Variants in DGKB observed in about 807,000 individuals in gnomAD.
DGKB encodes 90 kDa diacylglycerol kinase.
In DGKB, 67 loss-of-function variants were observed where a neutral mutation model predicts 114.3. That is an observed-to-expected ratio of 0.59 (90% CI 0.48 to 0.72). The LOEUF (loss-of-function observed/expected upper bound fraction) is 0.72, where lower values mean the gene tolerates loss of function less well. Among genes scored for constraint, DGKB ranks in the 30% least tolerant of loss-of-function variants. The pLI is 0.00. For missense variants in DGKB, 907 were observed against 975.2 expected (o/e 0.93, Z 0.93); for synonymous variants, 398 against 323.1 (o/e 1.23, Z -2.49).
At chr7:14,267,494 A>ATTTAT (rs1192717900) in intron 23 of DGKB, among the ~76,000 whole-genome samples, 4 of 137,876 alleles carry the variant, frequency 2.9e-5, no homozygotes, top group Non-Finnish European at 1.6e-5. Context: ...TTTTTTTATT[A>ATTTAT]TTTATTTTTT....
intron 20 of DGKB, among the ~76,000 whole-genome samples, chr7:14,479,394 T>G (rs1440680944): frequency 6.6e-6 from 1 of 152,148 alleles, no homozygotes; most frequent in Non-Finnish European, 1.5e-5. Flanking sequence ...AACTGTAATT[T>G]TTTTTCTGTA....
chr7:14,530,035 G>A (rs1045209113), intron 20 of DGKB, among the ~76,000 whole-genome samples: 3 of 151,702 alleles, frequency 2.0e-5, no homozygotes, highest in South Asian at 2.1e-4. Flanking sequence ...GATCAGGATC[G>A]ATTAATTCAT....
intron 2 of DGKB, among the ~76,000 whole-genome samples, chr7:14,832,664 T>C (rs1478204174): frequency 6.6e-6 from 1 of 152,088 alleles, no homozygotes; most frequent in Non-Finnish European, 1.5e-5. Context: ...AATCACTTAT[T>C]CTCTTCTTTC....
intron 2 of DGKB, among the ~76,000 whole-genome samples, chr7:14,818,992 C>CT (rs1844540812): frequency 6.6e-6 from 1 of 152,180 alleles, no homozygotes; most frequent in African/African-American, 2.4e-5. Flanking sequence ...GATTATGGAA[C>CT]TGAGCGTATC....
At chr7:14,233,213 G>A (rs1411772947) in intron 23 of DGKB, among the ~76,000 whole-genome samples, 2 of 151,966 alleles carry the variant, frequency 1.3e-5, no homozygotes, top group African/African-American at 4.8e-5. Flanking sequence ...AAAGAAAAAA[G>A]GGACATAGAA....
At chr7:14,204,851 G>A (rs73679679) in intron 23 of DGKB, among the ~76,000 whole-genome samples, 7,913 of 151,864 alleles carry the variant, frequency 0.052, 326 homozygotes, top group East Asian at 0.26. Context: ...ATAAATTGTT[G>A]GTAGTTATTT....
intron 14 of DGKB, among the ~76,000 whole-genome samples, chr7:14,626,788 GATAA>G (rs537448899): frequency 3.3e-5 from 5 of 152,070 alleles, no homozygotes; most frequent in Non-Finnish European, 7.4e-5. Flanking sequence ...AAGTTTTAAA[GATAA>G]ATATAATAAA....
intron 10 of DGKB, 124 bp from the exon 11 acceptor site, chr7:14,682,965 C>A: frequency 1.5e-6 from 1 of 678,868 alleles, no homozygotes; most frequent in Admixed American, 2.5e-5. Flanking sequence ...TCCAATCAGC[C>A]ACATCAAGGA....
At chr7:14,385,153 A>G in intron 21 of DGKB, among the ~76,000 whole-genome samples, 1 of 152,088 alleles carries the variant, frequency 6.6e-6, no homozygotes, top group Non-Finnish European at 1.5e-5. Flanking sequence ...AATCACCTCA[A>G]ACGGACTGAC....
chr7:14,717,939 A>C (rs920739749), intron 6 of DGKB, among the ~76,000 whole-genome samples: 1 of 152,176 alleles, frequency 6.6e-6, no homozygotes, highest in Non-Finnish European at 1.5e-5. Context: ...TTTATTAAAG[A>C]CAGTAATTAT....
intron 13 of DGKB, among the ~76,000 whole-genome samples, chr7:14,632,552 C>G (rs1381484639): frequency 1.3e-5 from 2 of 151,756 alleles, no homozygotes; most frequent in Non-Finnish European, 2.9e-5. Flanking sequence ...AAAGTTCTTT[C>G]TACCTCTTCA....
At chr7:14,405,893 T>C (rs1312226089) in intron 21 of DGKB, among the ~76,000 whole-genome samples, 1 of 151,982 alleles carries the variant, frequency 6.6e-6, no homozygotes, top group Non-Finnish European at 1.5e-5. Context: ...TGGTGTCTTT[T>C]AGGAATAGAT....
chr7:14,474,681 T>G (rs1044754307), intron 21 of DGKB, among the ~76,000 whole-genome samples: 16 of 152,068 alleles, frequency 1.1e-4, no homozygotes, highest in African/African-American at 3.6e-4. Context: ...TAAAGTCATC[T>G]CTCTAAATAG....
At chr7:14,632,516 T>C (rs541379786) in intron 13 of DGKB, among the ~76,000 whole-genome samples, 3 of 152,036 alleles carry the variant, frequency 2.0e-5, no homozygotes, top group East Asian at 3.9e-4. Context: ...TGTTAGTGAA[T>C]ATTTTCTAAT....
At chr7:14,893,598 T>C (rs1781643200) in intron 1 of DGKB, among the ~76,000 whole-genome samples, 1 of 151,454 alleles carries the variant, frequency 6.6e-6, no homozygotes. Flanking sequence ...CCTAGTTCGT[T>C]GCCGTTATCT....
In DGKB at chr7:14,747,683, A is replaced by G. The variant is rs1393356341; in HGVS notation, c.168+6245T>C. 3.9e-5 allele frequency among the ~76,000 whole-genome samples: 6 copies of G among 152,158 alleles called. No homozygotes were observed. The East Asian group carries it at 1.2e-3, about 30-fold the overall frequency. ...ATAGAATGAGATCATTTATATGCAT[A>G]TCAATGAAGCCATTAATGATACAAA... On this transcript the variant is annotated intron_variant, in intron 4 of 25. Transcript: ENST00000402815.
At chr7:14,567,675 C>T (rs923814253) in intron 20 of DGKB, among the ~76,000 whole-genome samples, 6 of 146,240 alleles carry the variant, frequency 4.1e-5, no homozygotes, top group Admixed American at 1.4e-4. Context: ...GGTGCGATCT[C>T]GGCTCACTGC....
At chr7:14,632,354 G>C (rs759364356) in intron 13 of DGKB, among the ~76,000 whole-genome samples, 28 of 151,494 alleles carry the variant, frequency 1.8e-4, no homozygotes, top group Admixed American at 1.2e-3. Context: ...TGTGGTGTTA[G>C]GCTATGTGCA....
chr7:14,684,278 C>T (rs1821308769), intron 10 of DGKB, among the ~76,000 whole-genome samples: 1 of 151,980 alleles, frequency 6.6e-6, no homozygotes, highest in Admixed American at 6.6e-5. Flanking sequence ...GACAAACAAA[C>T]AAACAAACAA....
Sources: allele counts gnomAD v4.1 joint callset (sites outside exome capture counted in the v4.1 genomes callset), GRCh38; gene constraint gnomAD v4.1.1; transcripts MANE v1.5; gene names NCBI Gene and HGNC (gene_info 2026-07-23, HGNC 2026-07-21).